CTNNA3: variants seen among roughly 807,000 people sequenced by gnomAD.
The protein encoded by CTNNA3 is catenin alpha-3.
CTNNA3 carries 76 observed loss-of-function variants against 95.7 expected under a neutral mutation model. The observed-to-expected ratio is 0.79, with a 90% CI of 0.66 to 0.96. The LOEUF (loss-of-function observed/expected upper bound fraction) is 0.96, where lower values mean the gene tolerates loss of function less well. CTNNA3 is among the 40% of genes least tolerant of loss of function. CTNNA3 has a pLI of 0.00. For synonymous variants in CTNNA3, 431 were observed against 374.4 expected (o/e 1.15, Z -1.74); for missense variants, 1,191 against 1,089.8 (o/e 1.09, Z -1.31).
intron 10 of CTNNA3, among the ~76,000 whole-genome samples, chr10:66,580,804 C>G (rs1843158880): frequency 6.6e-6 from 1 of 151,772 alleles, no homozygotes; most frequent in African/African-American, 2.4e-5. Context: ...TTCTCAGTTA[C>G]ATGGATGAAT....
intron 13 of CTNNA3, among the ~76,000 whole-genome samples, chr10:66,224,831 G>C (rs1454252797): frequency 2.6e-5 from 4 of 152,024 alleles, no homozygotes; most frequent in Non-Finnish European, 5.9e-5. Flanking sequence ...TTTGAAAGCA[G>C]TCTCAATTTA....
At chr10:67,569,354 T>A (rs1841911755) in intron 3 of CTNNA3, among the ~76,000 whole-genome samples, 1 of 152,142 alleles carries the variant, frequency 6.6e-6, no homozygotes, top group South Asian at 2.1e-4. Flanking sequence ...CAAGCTGATT[T>A]AAGAAATAAC....
intron 10 of CTNNA3, among the ~76,000 whole-genome samples, chr10:66,523,140 A>G (rs532611354): frequency 6.6e-6 from 1 of 152,302 alleles, no homozygotes; most frequent in East Asian, 1.9e-4. Flanking sequence ...CTATTAACTT[A>G]CAATGTACCT....
intron 9 of CTNNA3, among the ~76,000 whole-genome samples, chr10:66,645,955 G>T (rs781616262): frequency 6.6e-6 from 1 of 152,112 alleles, no homozygotes; most frequent in African/African-American, 2.4e-5. Context: ...TTTGATTATT[G>T]CAGCTATAGT....
intron 7 of CTNNA3, among the ~76,000 whole-genome samples, chr10:66,814,491 T>C (rs1244420288): frequency 6.6e-6 from 1 of 152,110 alleles, no homozygotes; most frequent in African/African-American, 2.4e-5. Context: ...CTGGGTGCAG[T>C]GGATCACACC....
chr10:66,971,408 CAGAG>C (rs1849718086), intron 7 of CTNNA3, among the ~76,000 whole-genome samples: 3 of 131,916 alleles, frequency 2.3e-5, no homozygotes, highest in Non-Finnish European at 4.9e-5. Flanking sequence ...GCCTGGGCAA[CAGAG>C]AGAGACTCCG....
chr10:66,637,399 C>T lies in CTNNA3; in HGVS notation c.1282-15615G>A, dbSNP rs1329962946. 2.0e-5 allele frequency among the ~76,000 whole-genome samples: 3 copies of T among 152,232 alleles called. No individual in the cohort carries two copies. The East Asian group carries it at 5.8e-4, about 29-fold the overall frequency. ...AGCCACATGGCACTACATGGTTGCACCAGCCAGGCCTGGATTCTCACCAGC... is the reference window on the plus strand; with the variant it reads ...AGCCACATGGCACTACATGGTTGCATCAGCCAGGCCTGGATTCTCACCAGC... On this transcript the variant is annotated intron_variant, in intron 9 of 17. Transcript: ENST00000433211.
rs1468821138 is a variant in CTNNA3 at position 67,726,288 on chromosome 10, ATT to A, written c.-2+37144_-2+37145del. ...ACATATTATATATATTATATTACAT[ATT>A]ATATATGATATTATCTTACATATTA... On this transcript the variant is annotated intron_variant, in intron 1 of 17. Coordinates refer to the CTNNA3 transcript ENST00000684154. Among the ~76,000 whole-genome samples the A allele has an allele frequency of 2.4e-3, 238 of 99,242 alleles. 1 individual carries two copies. The highest frequency in any genetic ancestry group is 0.013 in the Middle Eastern group (1 of 76). 65.1% of individuals were successfully genotyped at this position (99,242 alleles called of 152,430 possible). A position where few individuals can be genotyped will look rare whatever the true frequency, so the allele number is the denominator to read the frequency against.
chr10:66,758,928 C>T (rs1839486091), intron 9 of CTNNA3, among the ~76,000 whole-genome samples: 1 of 151,612 alleles, frequency 6.6e-6, no homozygotes, highest in African/African-American at 2.4e-5. Context: ...GAGGGTGAGA[C>T]TTGTCTCAAA....
chr10:66,665,941 T>G (rs1032063559), intron 9 of CTNNA3, among the ~76,000 whole-genome samples: 1 of 152,148 alleles, frequency 6.6e-6, no homozygotes, highest in African/African-American at 2.4e-5. Flanking sequence ...GTGAATTGCT[T>G]GAGCTGGTGG....
chr10:66,473,950 A>C lies in CTNNA3; in HGVS notation c.1531+46667T>G, dbSNP rs536124834. Reference sequence around the variant, plus strand: ...TTTGGGTTGGTTCCAAGTCTTTGCTATTGTGAATAGTGCCACAATAAACAT... The same window carrying C: ...TTTGGGTTGGTTCCAAGTCTTTGCTCTTGTGAATAGTGCCACAATAAACAT... On this transcript the variant is annotated intron_variant, in intron 11 of 17. Transcript: ENST00000433211. 3.3e-3 allele frequency among the ~76,000 whole-genome samples: 501 copies of C among 152,150 alleles called. 6 individuals are homozygous for C. Among genetic ancestry groups the C allele is most frequent in the African/African-American group, 0.011 (477 of 41,512 alleles).
At chr10:66,082,896 A>G (rs2080817986) in intron 14 of CTNNA3, among the ~76,000 whole-genome samples, 1 of 152,042 alleles carries the variant, frequency 6.6e-6, no homozygotes, top group Non-Finnish European at 1.5e-5. Context: ...TCCTGCAGCA[A>G]AATACTGCAT....
At chr10:65,979,060 A>G (rs2078265766) in intron 16 of CTNNA3, among the ~76,000 whole-genome samples, 1 of 152,170 alleles carries the variant, frequency 6.6e-6, no homozygotes, top group Non-Finnish European at 1.5e-5. Flanking sequence ...GGCATATCTC[A>G]ATGAATAAAG....
intron 11 of CTNNA3, among the ~76,000 whole-genome samples, chr10:66,420,757 C>T (rs1244396972): frequency 1.3e-5 from 2 of 151,514 alleles, no homozygotes; most frequent in Non-Finnish European, 2.9e-5. Context: ...CAAGATCATG[C>T]CACTGCACTC....
intron 12 of CTNNA3, among the ~76,000 whole-genome samples, chr10:66,332,897 A>C (rs1009832319): frequency 6.6e-6 from 1 of 152,064 alleles, no homozygotes; most frequent in Admixed American, 6.5e-5. Context: ...TATTGCTTCA[A>C]TTTCAGAGCC....
At chr10:67,192,663 T>C (rs967000948) in intron 6 of CTNNA3, among the ~76,000 whole-genome samples, 5 of 151,858 alleles carry the variant, frequency 3.3e-5, no homozygotes, top group African/African-American at 1.2e-4. Context: ...GGAATGTAAA[T>C]TGATACAGTC....
chr10:67,165,153 A>T (rs1861708753), intron 7 of CTNNA3, among the ~76,000 whole-genome samples: 1 of 152,224 alleles, frequency 6.6e-6, no homozygotes, highest in African/African-American at 2.4e-5. Context: ...ATATCCTACC[A>T]TGGAATACTA....
At chr10:67,518,187 C>T (rs543803431) in intron 5 of CTNNA3, among the ~76,000 whole-genome samples, 2 of 152,204 alleles carry the variant, frequency 1.3e-5, no homozygotes, top group Admixed American at 6.6e-5. Context: ...AATCACTGTA[C>T]TACATGGATT....
intron 5 of CTNNA3, among the ~76,000 whole-genome samples, chr10:67,376,043 T>G (rs192664369): frequency 1.3e-5 from 2 of 152,148 alleles, no homozygotes; most frequent in African/African-American, 4.8e-5. Context: ...AAGTGGGCCC[T>G]CACCAGCTGC....
Sources: gnomAD v4.1 joint callset for allele counts (sites outside exome capture counted in the v4.1 genomes callset) on GRCh38, gnomAD v4.1.1 for gene constraint, MANE v1.5 for transcripts, NCBI Gene and HGNC (gene_info 2026-07-23, HGNC 2026-07-21) for gene names.